The following EPS8 variants were observed in gnomAD, a reference collection of about 807,000 sequenced individuals.
EPS8 encodes the protein epidermal growth factor receptor kinase substrate 8.
A neutral mutation model predicts 103.8 loss-of-function variants in EPS8; 42 were observed. The observed-to-expected ratio is 0.40, with a 90% confidence interval of 0.32 to 0.52. EPS8 has a LOEUF of 0.52. Among genes scored for constraint, EPS8 ranks in the 20% least tolerant of loss-of-function variants. The pLI is 0.40. For synonymous variants in EPS8, 344 were observed against 344.6 expected (o/e 1.00, Z 0.02); for missense variants, 969 against 1,005.1 (o/e 0.96, Z 0.49).
In EPS8 at chr12:15,654,252, T is replaced by C. The variant is rs879330288; in HGVS notation, c.1143A>G (p.Val381=). 3 of 1,613,558 alleles carry C rather than the reference T, an allele frequency of 1.9e-6. No individual in the cohort carries two copies. Among genetic ancestry groups the C allele is most frequent in the Non-Finnish European group, 2.5e-6 (3 of 1,179,682 alleles). The stretch of plus-strand genomic sequence containing the variant: ...TGTCCTTATTCAATAGGGGACTAAG[T>C]ACTGAACTGGCTAGTTCAGGACCTC... ...ATGGPELASS[V]LSPLLNKDTI... The change falls in exon 13 of 21, where the codon GTA becomes GTG. Residue 381 remains valine, a synonymous_variant. Coordinates refer to ENST00000281172, the MANE Select transcript of EPS8 (RefSeq NM_004447.6).
In EPS8 at chr12:15,757,940, C is replaced by T. The variant is rs1271542678; in HGVS notation, c.-22+31221G>A. On this transcript the variant is annotated intron_variant, in intron 1 of 20. Transcript: ENST00000281172. This position sits in a 1 kb window ranked among gnomAD's most constrained non-coding sequence, Gnocchi z 4.1. ...TGGAACAGCTATCTGCTCCTCATGC[C>T]TACTCAACTGGAAAACTCAAAAGCC... Among the ~76,000 whole-genome samples the T allele has an allele frequency of 6.6e-6, 1 of 152,186 alleles. No individual in the cohort carries two copies. The highest frequency in any genetic ancestry group is 2.4e-5 in the African/African-American group (1 of 41,446).
chr12:15,623,106 T>A, intron 20 of EPS8, 52 bp downstream of exon 20: 1 of 1,553,108 alleles, frequency 6.4e-7, no homozygotes, highest in South Asian at 1.2e-5. Context: ...AATAGTTGTT[T>A]CCAGAGCTTT....
At position 15,768,206 on chromosome 12, in the gene EPS8, A is replaced by G. The variant is rs373608916; in HGVS notation, c.-22+20955T>C. Among the ~76,000 whole-genome samples, 9 of 152,112 alleles carry G rather than the reference A, an allele frequency of 5.9e-5. No homozygotes were observed. The East Asian group carries it at 1.7e-3, about 29-fold the overall frequency. On this transcript the variant is annotated intron_variant, in intron 1 of 20. Coordinates refer to ENST00000281172, the MANE Select transcript of EPS8 (RefSeq NM_004447.6). ...TGTAATCCCAGCACTTTGGGAGGCC[A>G]AGGCGGGTGGATCACGAGGTCAGGA... is the stretch of plus-strand genomic sequence containing the variant.
At chr12:15,669,328 T>C (rs1246558328) in intron 6 of EPS8, 59 bp downstream of exon 6, 10 of 1,495,422 alleles carry the variant, frequency 6.7e-6, no homozygotes, top group African/African-American at 1.4e-5. Flanking sequence ...AAATAGGTAA[T>C]TCAAAAGCTC....
intron 1 of EPS8, among the ~76,000 whole-genome samples, chr12:15,710,040 G>T (rs1381913509): frequency 6.6e-6 from 1 of 151,948 alleles, no homozygotes; most frequent in Non-Finnish European, 1.5e-5. Context: ...CTGCTGTGCG[G>T]CCCAGTTCCT....
intron 1 of EPS8, among the ~76,000 whole-genome samples, chr12:15,718,755 A>G (rs1946560282): frequency 6.6e-6 from 1 of 152,160 alleles, no homozygotes; most frequent in African/African-American, 2.4e-5. Flanking sequence ...GCATTTTTAA[A>G]CCTACAATGT....
At chr12:15,638,060 G>T (rs1410668805) in intron 17 of EPS8, among the ~76,000 whole-genome samples, 1 of 152,068 alleles carries the variant, frequency 6.6e-6, no homozygotes, top group East Asian at 1.9e-4. Context: ...AAATATGGTG[G>T]TATCTTAATT....
At chr12:15,640,639 C>A in intron 17 of EPS8, 64 bp downstream of exon 17, 1 of 1,448,334 alleles carries the variant, frequency 6.9e-7, no homozygotes, top group Non-Finnish European at 9.5e-7. Context: ...TGTTTAAATC[C>A]TACTTAAGAG....
intron 8 of EPS8, chr12:15,664,916 A>G (rs1945681283): frequency 6.6e-6 from 1 of 152,208 alleles, no homozygotes; most frequent in Non-Finnish European, 1.5e-5. Flanking sequence ...AACATATAAA[A>G]AGTAACACTA....
rs919862451 is a variant in EPS8, at chr12:15,731,818, C to T, written c.-21-48846G>A. ...AGCTAACCCCTACAGCTTGTGCAGTCATATTCTGAATGAAAAACAGAAGAT... is the reference window on the plus strand; with the variant it reads ...AGCTAACCCCTACAGCTTGTGCAGTTATATTCTGAATGAAAAACAGAAGAT... On this transcript the variant is annotated intron_variant, in intron 1 of 20. Coordinates refer to ENST00000281172, the MANE Select transcript of EPS8 (RefSeq NM_004447.6). The surrounding 1 kb of genome is among the most constrained non-coding windows in gnomAD (Gnocchi z 5.1). Among the ~76,000 whole-genome samples the T allele has an allele frequency of 2.0e-5, 3 of 152,094 alleles. No homozygotes were observed. The highest frequency in any genetic ancestry group is 7.2e-5 in the African/African-American group (3 of 41,414).
intron 1 of EPS8, among the ~76,000 whole-genome samples, chr12:15,765,338 G>T (rs1947082297): frequency 1.3e-5 from 2 of 152,118 alleles, no homozygotes; most frequent in South Asian, 4.2e-4. Context: ...AGGGTCATGG[G>T]TGCACAATTC....
chr12:15,672,902 C>A (rs1221554719), intron 3 of EPS8, among the ~76,000 whole-genome samples: 1 of 152,128 alleles, frequency 6.6e-6, no homozygotes, highest in African/African-American at 2.4e-5. Flanking sequence ...GCCATGACAC[C>A]CAGTCATGAT....
intron 1 of EPS8, among the ~76,000 whole-genome samples, chr12:15,703,788 G>T (rs1412834534): frequency 7.3e-6 from 1 of 137,774 alleles, no homozygotes; most frequent in African/African-American, 2.7e-5. Context: ...TGAGATAATT[G>T]TATCTGTCTC....
chr12:15,773,051 A>C (rs1947170420), intron 1 of EPS8, among the ~76,000 whole-genome samples: 1 of 152,166 alleles, frequency 6.6e-6, no homozygotes, highest in African/African-American at 2.4e-5. Context: ...GTGAAGAGGA[A>C]ACCATAGACA....
chr12:15,701,125 T>C lies in EPS8; in HGVS notation c.-21-18153A>G, dbSNP rs60107759. Among the ~76,000 whole-genome samples the C allele has an allele frequency of 6.6e-6, 1 of 152,256 alleles. No individual in the cohort carries two copies. Among genetic ancestry groups the C allele is most frequent in the South Asian group, 2.1e-4 (1 of 4,834 alleles). ...TTTGGCTTCAAAATAGTCACTTTTT[T>C]AAAAGGTAATTCTTTTCTCTCTCTG... On this transcript the variant is annotated intron_variant, in intron 1 of 20. Coordinates refer to ENST00000281172, the MANE Select transcript of EPS8 (RefSeq NM_004447.6). This position sits in a 1 kb window ranked among gnomAD's most constrained non-coding sequence, Gnocchi z 5.1.
chr12:15,681,627 G>T (rs1946009102), intron 2 of EPS8, among the ~76,000 whole-genome samples: 2 of 151,018 alleles, frequency 1.3e-5, no homozygotes, highest in African/African-American at 2.4e-5. Flanking sequence ...CTACTCGGGA[G>T]GCTGAGGCAG....
intron 1 of EPS8, among the ~76,000 whole-genome samples, chr12:15,740,321 C>T (rs1266723922): frequency 2.0e-5 from 3 of 151,922 alleles, no homozygotes; most frequent in African/African-American, 7.3e-5. Flanking sequence ...CTGAGGCTGG[C>T]AGATCATGAG....
At chr12:15,667,821 C>T (rs1945742781) in intron 6 of EPS8, among the ~76,000 whole-genome samples, 2 of 152,050 alleles carry the variant, frequency 1.3e-5, no homozygotes, top group Admixed American at 1.3e-4. Context: ...TACAGTGCTT[C>T]GTGGTATGTG....
Position 15,771,627 on chromosome 12 carries a change from G to T in EPS8, c.-22+17534C>A, listed in dbSNP as rs1947155235. Among the ~76,000 whole-genome samples, 3 of 151,966 alleles carry T rather than the reference G, an allele frequency of 2.0e-5. No individual in the cohort carries two copies. The highest frequency in any genetic ancestry group is 2.0e-4 in the Admixed American group (3 of 15,258). ...CATATGGCAGGTAAAGGAGAAGGGG[G>T]GTCATGGATGTGTTCTTCTAATGGG... On this transcript the variant is annotated intron_variant, in intron 1 of 20. Transcript: ENST00000281172. This position sits in a 1 kb window ranked among gnomAD's most constrained non-coding sequence, Gnocchi z 4.6.
Sources: gnomAD v4.1 joint callset for allele counts (sites outside exome capture counted in the v4.1 genomes callset) on GRCh38, gnomAD v4.1.1 for gene constraint, Gnocchi (gnomAD v3.1) non-coding constraint, MANE v1.5 for transcripts, NCBI Gene and HGNC (gene_info 2026-07-23, HGNC 2026-07-21) for gene names.